Variants in ZNF106 observed in about 807,000 individuals in gnomAD.
ZNF106 encodes SH3-domain binding protein 3.
In ZNF106, 67 loss-of-function variants were observed where a neutral mutation model predicts 195.1. The observed-to-expected ratio is 0.34, with a 90% confidence interval of 0.28 to 0.42. The LOEUF (loss-of-function observed/expected upper bound fraction) is 0.42. Ranked by LOEUF, ZNF106 falls within the 10% of genes least tolerant of loss-of-function variation. The pLI is 1.00. For synonymous variants in ZNF106, 784 were observed against 818.6 expected, an observed-to-expected ratio of 0.96 and a Z score of 0.72; for missense variants, 2,118 against 2,304.5, an observed-to-expected ratio of 0.92 and a Z score of 1.66.
chr15:42,484,027 C>T (rs190774704), intron 1 of ZNF106, among the ~76,000 whole-genome samples: 138 of 152,282 alleles, frequency 9.1e-4, no homozygotes, highest in African/African-American at 3.1e-3. Flanking sequence ...TGTAGAGCAG[C>T]AATTCTCAAT....
chr15:42,470,747 A>G (rs1277739951), intron 2 of ZNF106, among the ~76,000 whole-genome samples: 1 of 152,216 alleles, frequency 6.6e-6, no homozygotes, highest in Non-Finnish European at 1.5e-5. Flanking sequence ...ATCTCTGAAC[A>G]GCAGCCTTTC....
At chr15:42,436,910 G>A (rs745953506) in intron 13 of ZNF106, among the ~76,000 whole-genome samples, 10 of 152,190 alleles carry the variant, frequency 6.6e-5, no homozygotes, top group Non-Finnish European at 8.8e-5. Context: ...AAAGGTGATC[G>A]TTCAGGGAGT....
chr15:42,483,357 G>A lies in ZNF106; in HGVS notation c.-33+7623C>T, dbSNP rs146603758. Among the ~76,000 whole-genome samples the A allele has an allele frequency of 5.3e-5, 8 of 152,256 alleles. No homozygotes were observed. The East Asian group carries it at 1.2e-3, about 22-fold the overall frequency. On this transcript the variant is annotated intron_variant, in intron 1 of 21. Transcript: ENST00000564754. The stretch of plus-strand genomic sequence containing the variant: ...GAATGGCTCCAAGCAATGCTCAAGC[G>A]GGACAGACTGATCAAAGAAGACATA...
At chr15:42,478,726 G>T (rs537485180) in intron 1 of ZNF106, among the ~76,000 whole-genome samples, 1 of 151,852 alleles carries the variant, frequency 6.6e-6, no homozygotes, top group African/African-American at 2.4e-5. Flanking sequence ...TGGCCAGGCT[G>T]GTCTGGAACT....
rs546244495 is a variant in ZNF106 at position 42,424,984 on chromosome 15, C to A, written c.5040G>T (p.Arg1680=). The A allele has an allele frequency of 1.9e-6, 3 of 1,614,160 alleles. No individual in the cohort carries two copies. The Admixed American group carries it at 5.0e-5, about 27-fold the overall frequency. ...RLEIFECHGP[R]AVSCLATAQE... is the part of the protein sequence containing the mutation. ...GAGCTGTAGCAAGACAGCTGACTGC[C>A]CGAGGGCCATGGCATTCAAAGATCT... The change falls in exon 16 of 22, where the codon CGG becomes CGT. Residue 1680 remains arginine (R), a synonymous_variant. Coordinates refer to ENST00000564754, the MANE Select transcript of ZNF106 (RefSeq NM_001366845.3).
intron 1 of ZNF106, among the ~76,000 whole-genome samples, chr15:42,475,388 G>A (rs779346970): frequency 1.4e-4 from 21 of 152,176 alleles, no homozygotes; most frequent in Admixed American, 1.3e-3. Context: ...GTTGCAGTGA[G>A]CCGAGATGAC....
At chr15:42,444,055 T>G in intron 9 of ZNF106, 147 bp downstream of exon 9, 1 of 515,280 alleles carries the variant, frequency 1.9e-6, no homozygotes. Context: ...GAGGTTGCAG[T>G]GAGCAGAGAT....
Position 42,451,039 on chromosome 15 carries a change from T to C in ZNF106, c.1233A>G (p.Gly411=). The C allele has an allele frequency of 6.2e-7, 1 of 1,614,218 alleles. No homozygotes were observed. The highest frequency in any genetic ancestry group is 1.1e-5 in the South Asian group (1 of 91,082). The change falls in exon 5 of 22, where the codon GGA becomes GGG. Residue 411 remains glycine (G), a synonymous_variant. Transcript: ENST00000564754. ...TTTCATCAGTTTGGGGCTCCTGTAT[T>C]CCTGTAGTTATCAAGCTAAAATCAA... The part of the protein sequence containing the change: ...PLFDFSLITT[G]IQEPQTDETR...
intron 20 of ZNF106, 44 bp from the exon 21 acceptor site, chr15:42,417,995 G>C: frequency 6.3e-7 from 1 of 1,596,536 alleles, no homozygotes; most frequent in Non-Finnish European, 8.5e-7. Context: ...AAAGGGTGCA[G>C]TGAACGTGAA....
chr15:42,457,412 C>A lies in ZNF106; in HGVS notation c.117-254G>T, dbSNP rs2056265344. On this transcript the variant is annotated intron_variant, in intron 3 of 21. Transcript: ENST00000564754. ...ATAAATGTCGTTTAGGAGGAGAAAT[C>A]TTCTTGAATTGCTGTACTTAAAATC... 1.5e-6 allele frequency: 2 copies of A among 1,365,720 alleles called. 1 individual carries two copies. The highest frequency in any genetic ancestry group is 3.5e-5 in the South Asian group (2 of 57,492). The allele number at this position is 1,365,720 out of a possible 1,614,324, so 84.6% of individuals were successfully genotyped here.
chr15:42,423,926 G>A, intron 17 of ZNF106, 72 bp downstream of exon 17: 1 of 1,439,642 alleles, frequency 6.9e-7, no homozygotes, highest in East Asian at 2.3e-5. Context: ...ATTGCAAGAG[G>A]TTTAAGAAAA....
intron 1 of ZNF106, among the ~76,000 whole-genome samples, chr15:42,484,898 G>A (rs1485773925): frequency 1.3e-5 from 2 of 152,200 alleles, no homozygotes; most frequent in South Asian, 2.1e-4. Flanking sequence ...GGTAGCTCAC[G>A]CCTGTAATCC....
At chr15:42,472,456 G>A (rs752085918) in intron 1 of ZNF106, 135 bp from the exon 2 acceptor site, 2 of 604,702 alleles carry the variant, frequency 3.3e-6, no homozygotes, top group East Asian at 3.0e-5. Context: ...CCGTTTCCAG[G>A]TGCATAGGGT....
chr15:42,444,336 C>T, intron 8 of ZNF106, 74 bp from the exon 9 acceptor site: 1 of 1,212,754 alleles, frequency 8.2e-7, no homozygotes, highest in East Asian at 2.4e-5. Context: ...CATTTTTCTT[C>T]TATGTCCTGA....
At chr15:42,478,504 CTCTTTT>C (rs199655629) in intron 1 of ZNF106, among the ~76,000 whole-genome samples, 5 of 137,148 alleles carry the variant, frequency 3.6e-5, no homozygotes, top group African/African-American at 1.4e-4. Context: ...TTCAGATGTC[CTCTTTT>C]TCTTTTTTTT....
intron 17 of ZNF106, among the ~76,000 whole-genome samples, chr15:42,423,068 AAG>A (rs2054727606): frequency 6.6e-6 from 1 of 151,942 alleles, no homozygotes; most frequent in African/African-American, 2.4e-5. Flanking sequence ...TCATTTTTTT[AAG>A]AGATGGGGTC....
intron 13 of ZNF106, among the ~76,000 whole-genome samples, chr15:42,436,969 T>A (rs1037379665): frequency 1.3e-5 from 2 of 152,168 alleles, no homozygotes; most frequent in Non-Finnish European, 2.9e-5. Context: ...GAGACTCCAG[T>A]GGCTCCTGAC....
At chr15:42,458,685 G>A (rs1291853496) in intron 3 of ZNF106, among the ~76,000 whole-genome samples, 2 of 151,036 alleles carry the variant, frequency 1.3e-5, no homozygotes, top group Non-Finnish European at 2.9e-5. Context: ...TCCAGCCTGG[G>A]TGATAGAGCC....
At position 42,481,045 on chromosome 15, in the gene ZNF106, T is replaced by C. The variant is rs1170302150; in HGVS notation, c.-32-8724A>G. On this transcript the variant is annotated intron_variant, in intron 1 of 21. Coordinates refer to ENST00000564754, the MANE Select transcript of ZNF106 (RefSeq NM_001366845.3). Reference sequence around the variant, plus strand: ...AAAACCCTGCAACCATATAGGCCCATTTACCCTCACCCATCATCCCATGCT... The same window carrying C: ...AAAACCCTGCAACCATATAGGCCCACTTACCCTCACCCATCATCCCATGCT... Among the ~76,000 whole-genome samples, 3 of 152,080 alleles carry C rather than the reference T, an allele frequency of 2.0e-5. No homozygotes were observed. In the East Asian group the frequency reaches 5.8e-4, roughly 29 times the overall value.
Sources: allele counts gnomAD v4.1 joint callset (sites outside exome capture counted in the v4.1 genomes callset), GRCh38; gene constraint gnomAD v4.1.1; transcripts MANE v1.5; gene names NCBI Gene and HGNC (gene_info 2026-07-23, HGNC 2026-07-21).